The following CNTNAP2 variants were observed in gnomAD, a reference collection of about 807,000 sequenced individuals.
CNTNAP2 encodes contactin associated protein 2.
In CNTNAP2, 98 loss-of-function variants were observed where a neutral mutation model predicts 155.2. The observed-to-expected ratio is 0.63, with a 90% confidence interval of 0.54 to 0.75. The LOEUF (loss-of-function observed/expected upper bound fraction) is 0.75, where lower values mean the gene tolerates loss of function less well. CNTNAP2 is among the 30% of genes least tolerant of loss of function. CNTNAP2 has a pLI of 0.00. For missense variants in CNTNAP2, 1,727 were observed against 1,688.1 expected (o/e 1.02, Z -0.40); for synonymous variants, 651 against 631.2 (o/e 1.03, Z -0.47).
rs188343843 is a variant in CNTNAP2 at position 146,439,588 on chromosome 7, C to T, written c.97+322615C>T. 9.4e-4 allele frequency among the ~76,000 whole-genome samples: 142 copies of T among 151,524 alleles called. 8 individuals are homozygous for T. The highest frequency in any genetic ancestry group is 3.4e-3 in the African/African-American group (138 of 40,882). ...ACTCACCCCATATTTCCAGAAGCCCCCAAACAAAATGCCATCTGCATCTAC... is the reference window on the plus strand; with the variant it reads ...ACTCACCCCATATTTCCAGAAGCCCTCAAACAAAATGCCATCTGCATCTAC... On this transcript the variant is annotated intron_variant, in intron 1 of 23. Transcript: ENST00000361727.
At chr7:147,086,018 A>G (rs1800269608) in intron 4 of CNTNAP2, among the ~76,000 whole-genome samples, 1 of 152,082 alleles carries the variant, frequency 6.6e-6, no homozygotes, top group South Asian at 2.1e-4. Flanking sequence ...TTGAAATGGT[A>G]GAAAAACCCA....
chr7:148,212,657 T>A (rs1023546296), intron 18 of CNTNAP2, among the ~76,000 whole-genome samples: 1 of 152,182 alleles, frequency 6.6e-6, no homozygotes, highest in African/African-American at 2.4e-5. Flanking sequence ...ATTTTGGGCT[T>A]GTTAATTTAG....
chr7:146,906,993 T>G (rs959158490), intron 3 of CNTNAP2, among the ~76,000 whole-genome samples: 1 of 148,942 alleles, frequency 6.7e-6, no homozygotes, highest in Non-Finnish European at 1.5e-5. Flanking sequence ...GCTCGAGAAC[T>G]ACGTGAAGAA....
At chr7:146,529,549 A>G (rs1391526944) in intron 1 of CNTNAP2, among the ~76,000 whole-genome samples, 1 of 152,156 alleles carries the variant, frequency 6.6e-6, no homozygotes, top group Admixed American at 6.6e-5. Flanking sequence ...AGTAAATGTG[A>G]CTAATGCATA....
At chr7:148,308,567 T>G (rs977166186) in intron 21 of CNTNAP2, among the ~76,000 whole-genome samples, 17 of 150,744 alleles carry the variant, frequency 1.1e-4, no homozygotes, top group South Asian at 4.2e-4. Flanking sequence ...ATTTATTTAT[T>G]TATTTATTTA....
At chr7:147,703,092 C>A (rs922137647) in intron 13 of CNTNAP2, among the ~76,000 whole-genome samples, 1 of 152,328 alleles carries the variant, frequency 6.6e-6, no homozygotes, top group South Asian at 2.1e-4. Flanking sequence ...CTCTTCAGTT[C>A]TGATGACCTG....
At chr7:147,884,166 G>A (rs1490303686) in intron 13 of CNTNAP2, among the ~76,000 whole-genome samples, 1 of 152,164 alleles carries the variant, frequency 6.6e-6, no homozygotes, top group East Asian at 1.9e-4. Context: ...CCCTAAAGTG[G>A]GAATGTGCTT....
chr7:147,925,154 AGAAGGAAG>A (rs144682428), intron 14 of CNTNAP2, among the ~76,000 whole-genome samples: 287 of 63,320 alleles, frequency 4.5e-3, no homozygotes, highest in African/African-American at 8.7e-3. Flanking sequence ...AGAGAGAGAG[AGAAGGAAG>A]GAAGGAAGGA....
intron 1 of CNTNAP2, among the ~76,000 whole-genome samples, chr7:146,265,829 A>G (rs951912176): frequency 6.6e-6 from 1 of 152,006 alleles, no homozygotes; most frequent in Non-Finnish European, 1.5e-5. Context: ...TTTCTGCATT[A>G]TTATGTTGTT....
intron 1 of CNTNAP2, among the ~76,000 whole-genome samples, chr7:146,151,635 GAT>G (rs1226681385): frequency 0.028 from 1,027 of 36,090 alleles, 8 homozygotes; most frequent in African/African-American, 0.048. Context: ...AAGAAAACGT[GAT>G]ATATATATAT....
intron 11 of CNTNAP2, among the ~76,000 whole-genome samples, chr7:147,528,411 G>A (rs949465678): frequency 6.6e-6 from 1 of 152,086 alleles, no homozygotes; most frequent in Non-Finnish European, 1.5e-5. Context: ...CCAGAGAAGG[G>A]CTCAGAAAGG....
rs1002700450 is a variant in CNTNAP2 at position 148,417,041 on chromosome 7, T to C, written c.*1425T>C. On this transcript the variant is annotated 3_prime_UTR_variant, in exon 24 of 24. Transcript: ENST00000361727. ...ACACAAAAATTATTTCCAGAAAGGC[T>C]ACCATTTATCATCATTATATTTCAA... 2.0e-5 allele frequency: 3 copies of C among 152,230 alleles called. No homozygotes were observed. The highest frequency in any genetic ancestry group is 7.2e-5 in the African/African-American group (3 of 41,458). 9.4% of individuals were successfully genotyped at this position (152,230 alleles called of 1,614,324 possible).
At chr7:148,273,935 C>G (rs1438852563) in intron 21 of CNTNAP2, among the ~76,000 whole-genome samples, 1 of 152,130 alleles carries the variant, frequency 6.6e-6, no homozygotes, top group Non-Finnish European at 1.5e-5. Flanking sequence ...CTAAAACTTT[C>G]TGGAGCTTTG....
intron 13 of CNTNAP2, among the ~76,000 whole-genome samples, chr7:147,789,981 T>G (rs1797794964): frequency 6.6e-6 from 1 of 152,196 alleles, no homozygotes; most frequent in African/African-American, 2.4e-5. Context: ...AAGCCTATTG[T>G]GGGACTTCAC....
chr7:147,892,554 T>A (rs1799713040), intron 13 of CNTNAP2, among the ~76,000 whole-genome samples: 1 of 152,188 alleles, frequency 6.6e-6, no homozygotes. Context: ...TCTTTAATAC[T>A]GCTCAGAATT....
intron 12 of CNTNAP2, 68 bp from the exon 13 acceptor site, chr7:147,639,038 T>G: frequency 6.7e-7 from 1 of 1,493,246 alleles, no homozygotes; most frequent in Non-Finnish European, 9.3e-7. Flanking sequence ...GGCTCAATTA[T>G]TTTCTGACAT....
chr7:146,892,688 A>G (rs1795805095), intron 3 of CNTNAP2, among the ~76,000 whole-genome samples: 2 of 152,210 alleles, frequency 1.3e-5, no homozygotes, highest in South Asian at 4.1e-4. Flanking sequence ...ATGCATGAGA[A>G]TCACTTGAAC....
At chr7:146,515,882 T>C (rs1157917574) in intron 1 of CNTNAP2, among the ~76,000 whole-genome samples, 14 of 152,068 alleles carry the variant, frequency 9.2e-5, no homozygotes. Flanking sequence ...TTCTGTTTAT[T>C]GACATATCAT....
rs190774871 is a variant in CNTNAP2 at position 147,414,608 on chromosome 7, A to C, written c.1670+18828A>C. 7.9e-5 allele frequency among the ~76,000 whole-genome samples: 12 copies of C among 152,244 alleles called. No homozygotes were observed. In the East Asian group the frequency reaches 2.3e-3, roughly 29 times the overall value. The stretch of plus-strand genomic sequence containing the variant: ...TCAGAGTTCTTAGTTATGAATAAAC[A>C]AACTAAAAAGACAGATGCAATAAAA... On this transcript the variant is annotated intron_variant, in intron 10 of 23. Coordinates refer to ENST00000361727, the MANE Select transcript of CNTNAP2 (RefSeq NM_014141.6).
Sources: allele counts gnomAD v4.1 joint callset (sites outside exome capture counted in the v4.1 genomes callset), GRCh38; gene constraint gnomAD v4.1.1; transcripts MANE v1.5; gene names NCBI Gene and HGNC (gene_info 2026-07-23, HGNC 2026-07-21).